Variants in PHACTR1 observed in about 807,000 individuals in gnomAD.
PHACTR1 encodes phosphatase and actin regulator 1.
In PHACTR1, 16 loss-of-function variants were observed where a neutral mutation model predicts 69.2. That is an observed-to-expected ratio of 0.23 (90% CI 0.16 to 0.35). The LOEUF (loss-of-function observed/expected upper bound fraction) is 0.35, where lower values mean the gene tolerates loss of function less well. Ranked by LOEUF, PHACTR1 falls within the 10% of genes least tolerant of loss-of-function variation. The pLI, the probability that PHACTR1 is intolerant of heterozygous loss-of-function variation, is 1.00. For missense variants in PHACTR1, 510 were observed against 734.7 expected, an observed-to-expected ratio of 0.69 and a Z score of 3.54; for synonymous variants, 312 against 284.5, an observed-to-expected ratio of 1.10 and a Z score of -0.97.
At chr6:13,021,133 A>G (rs961621165) in intron 4 of PHACTR1, among the ~76,000 whole-genome samples, 5 of 152,088 alleles carry the variant, frequency 3.3e-5, no homozygotes, top group African/African-American at 9.7e-5. Flanking sequence ...CTAAAAAGCA[A>G]CTCTGTTCCC....
chr6:13,126,624 G>A (rs1388523515), intron 5 of PHACTR1, among the ~76,000 whole-genome samples: 2 of 152,204 alleles, frequency 1.3e-5, no homozygotes, highest in African/African-American at 4.8e-5. Flanking sequence ...ACCCACCATG[G>A]TATACAAGCT....
rs139319192 is a variant in PHACTR1 at position 12,990,528 on chromosome 6, C to T, written c.251-62837C>T. Among the ~76,000 whole-genome samples the T allele has an allele frequency of 6.5e-3, 991 of 152,358 alleles. 7 individuals are homozygous for T. Among genetic ancestry groups the T allele is most frequent in the Middle Eastern group, 0.027 (8 of 294 alleles). On this transcript the variant is annotated intron_variant, in intron 4 of 14. Coordinates refer to ENST00000332995, the MANE Select transcript of PHACTR1 (RefSeq NM_030948.6). ...TAGTGGGTGCCAGGGCCGGGCCAAGCGCTTTTGGGCTCCAGCCCCATGGCA... is the reference window on the plus strand; with the variant it reads ...TAGTGGGTGCCAGGGCCGGGCCAAGTGCTTTTGGGCTCCAGCCCCATGGCA...
chr6:13,272,823 A>G, intron 10 of PHACTR1, 37 bp from the exon 11 acceptor site: 1 of 1,614,076 alleles, frequency 6.2e-7, no homozygotes, highest in Non-Finnish European at 8.5e-7. Context: ...GGAGGCTATG[A>G]TATGGTCCAA....
At chr6:12,867,234 G>A (rs1781552180) in intron 4 of PHACTR1, among the ~76,000 whole-genome samples, 1 of 152,142 alleles carries the variant, frequency 6.6e-6, no homozygotes, top group Non-Finnish European at 1.5e-5. Flanking sequence ...CCCCATCCTA[G>A]CACTCTAGCC....
At chr6:12,882,903 G>A (rs1022809113) in intron 4 of PHACTR1, among the ~76,000 whole-genome samples, 2 of 152,174 alleles carry the variant, frequency 1.3e-5, no homozygotes, top group Admixed American at 6.5e-5. Context: ...GATATAACAC[G>A]ACAGCTTTAT....
chr6:13,251,444 TTCAGCA>T (rs1774386771), intron 10 of PHACTR1, among the ~76,000 whole-genome samples: 2 of 152,318 alleles, frequency 1.3e-5, no homozygotes, highest in East Asian at 3.9e-4. Flanking sequence ...GCTGGGGCAT[TTCAGCA>T]TCAAGAAACT....
At chr6:13,228,160 A>G in intron 9 of PHACTR1, 97 bp downstream of exon 9, 1 of 1,444,156 alleles carries the variant, frequency 6.9e-7, no homozygotes, top group Non-Finnish European at 9.2e-7. Flanking sequence ...CTGGGTTCTA[A>G]TCCCTGCTCT....
chr6:13,152,260 G>A (rs1023839028), intron 5 of PHACTR1, among the ~76,000 whole-genome samples: 7 of 152,098 alleles, frequency 4.6e-5, no homozygotes, highest in African/African-American at 1.7e-4. Context: ...CTTAAACCTG[G>A]GAGGTGGAGG....
chr6:13,239,660 A>T (rs954927328), intron 10 of PHACTR1, among the ~76,000 whole-genome samples: 2 of 152,212 alleles, frequency 1.3e-5, no homozygotes, highest in Non-Finnish European at 2.9e-5. Flanking sequence ...CATCACAGGG[A>T]CCTACAGCCA....
chr6:13,076,551 A>G lies in PHACTR1; in HGVS notation c.415+23022A>G, dbSNP rs561517414. On this transcript the variant is annotated intron_variant, in intron 5 of 14. Transcript: ENST00000332995. The stretch of plus-strand genomic sequence containing the variant: ...TCTTCTGCATGTTTTGCAAGCATTC[A>G]TTTTGTACATACTAAGTGCTAAACC... Among the ~76,000 whole-genome samples, 3 of 152,268 alleles carry G rather than the reference A, an allele frequency of 2.0e-5. No homozygotes were observed. The South Asian group carries it at 6.2e-4, about 32-fold the overall frequency.
intron 3 of PHACTR1, among the ~76,000 whole-genome samples, chr6:12,739,300 C>T (rs1351076275): frequency 6.6e-6 from 1 of 151,890 alleles, no homozygotes; most frequent in Non-Finnish European, 1.5e-5. Flanking sequence ...CAGAAATAGA[C>T]AGGATGATAG....
At chr6:12,825,458 T>C (rs1317855726) in intron 4 of PHACTR1, among the ~76,000 whole-genome samples, 1 of 152,236 alleles carries the variant, frequency 6.6e-6, no homozygotes, top group African/African-American at 2.4e-5. Context: ...CTCCATGTTA[T>C]TTGGAGACAT....
Position 12,960,694 on chromosome 6 carries a change from G to C in PHACTR1, c.251-92671G>C, listed in dbSNP as rs112075118. On this transcript the variant is annotated intron_variant, in intron 4 of 14. Coordinates refer to ENST00000332995, the MANE Select transcript of PHACTR1 (RefSeq NM_030948.6). The stretch of plus-strand genomic sequence containing the variant: ...GTTTGATTTTTCCTGCCTCAGCCAT[G>C]CTATAAGTTGTGATTCTGCCCTTTT... 3.2e-3 allele frequency among the ~76,000 whole-genome samples: 490 copies of C among 152,304 alleles called. 2 individuals are homozygous for C. Among genetic ancestry groups the C allele is most frequent in the African/African-American group, 0.011 (461 of 41,560 alleles).
At chr6:13,274,949 T>C (rs1486022921) in intron 11 of PHACTR1, 1 of 152,170 alleles carries the variant, frequency 6.6e-6, no homozygotes, top group Non-Finnish European at 1.5e-5. Flanking sequence ...TTCCCATAGG[T>C]TCTTATTTTT....
chr6:13,142,626 C>T (rs1822669171), intron 5 of PHACTR1, among the ~76,000 whole-genome samples: 1 of 152,058 alleles, frequency 6.6e-6, no homozygotes. Flanking sequence ...TGAGGATATT[C>T]AGTTGTCCTG....
chr6:12,787,266 A>G (rs1316712412), intron 4 of PHACTR1, among the ~76,000 whole-genome samples: 1 of 152,180 alleles, frequency 6.6e-6, no homozygotes. Context: ...TCTTATTGTT[A>G]TTTCAGGTTA....
At chr6:13,118,571 C>A (rs566922566) in intron 5 of PHACTR1, among the ~76,000 whole-genome samples, 1 of 150,430 alleles carries the variant, frequency 6.6e-6, no homozygotes, top group Non-Finnish European at 1.5e-5. Flanking sequence ...CTCCACCTCC[C>A]AGGTTCAAGC....
chr6:13,202,426 G>A (rs1765357621), intron 7 of PHACTR1, among the ~76,000 whole-genome samples: 1 of 151,620 alleles, frequency 6.6e-6, no homozygotes, highest in Admixed American at 6.6e-5. Context: ...AAGGGTCCTG[G>A]AGCAAAATCC....
At chr6:12,768,003 G>C (rs1424170966) in intron 4 of PHACTR1, among the ~76,000 whole-genome samples, 2 of 151,750 alleles carry the variant, frequency 1.3e-5, no homozygotes, top group Non-Finnish European at 1.5e-5. Context: ...GGATAATTAG[G>C]TTTGTCAACT....
Sources: gnomAD v4.1 joint callset for allele counts (sites outside exome capture counted in the v4.1 genomes callset) on GRCh38, gnomAD v4.1.1 for gene constraint, MANE v1.5 for transcripts, NCBI Gene and HGNC (gene_info 2026-07-23, HGNC 2026-07-21) for gene names.